The following PIWIL2 variants were observed in gnomAD, a reference collection of about 807,000 sequenced individuals.
PIWIL2 encodes piwi-like protein 2.
PIWIL2 carries 81 observed loss-of-function variants against 116.5 expected under a neutral mutation model. That is an observed-to-expected ratio of 0.70 (90% CI 0.58 to 0.84). The LOEUF is 0.84. PIWIL2 is among the 40% of genes least tolerant of loss of function. The probability of loss-of-function intolerance (pLI) is 0.00; values close to 1 mark genes in which losing one functional copy is unlikely to be tolerated. For missense variants in PIWIL2, 1,272 were observed against 1,212.3 expected (o/e 1.05, Z -0.73); for synonymous variants, 489 against 429.5 (o/e 1.14, Z -1.71).
chr8:22,284,375 G>A (rs541748455), intron 6 of PIWIL2, 103 bp downstream of exon 6: 291 of 579,194 alleles, frequency 5.0e-4, no homozygotes, highest in African/African-American at 4.6e-3. Flanking sequence ...CCTGGTGGAC[G>A]TCTCAATGCA....
At chr8:22,291,815 C>A (rs905379732) in intron 10 of PIWIL2, among the ~76,000 whole-genome samples, 9 of 152,108 alleles carry the variant, frequency 5.9e-5, no homozygotes. Context: ...CCTCCCCTCA[C>A]AGAGCCTCTG....
intron 20 of PIWIL2, among the ~76,000 whole-genome samples, chr8:22,349,640 G>C (rs1231966596): frequency 6.6e-6 from 1 of 152,070 alleles, no homozygotes; most frequent in African/African-American, 2.4e-5. Flanking sequence ...GTTTCTTCCA[G>C]ATCTGAGGTC....
intron 10 of PIWIL2, among the ~76,000 whole-genome samples, chr8:22,301,235 T>G (rs1831040290): frequency 6.6e-6 from 1 of 152,044 alleles, no homozygotes; most frequent in Non-Finnish European, 1.5e-5. Flanking sequence ...CCTCCTAAAG[T>G]GCCGGGATTA....
intron 14 of PIWIL2, among the ~76,000 whole-genome samples, chr8:22,308,830 G>T (rs917883386): frequency 6.6e-6 from 1 of 152,036 alleles, no homozygotes; most frequent in Non-Finnish European, 1.5e-5. Flanking sequence ...TGTATTTTTA[G>T]TAGAGACGGA....
intron 20 of PIWIL2, among the ~76,000 whole-genome samples, chr8:22,336,612 ATAGACAT>A (rs1160373161): frequency 6.6e-6 from 1 of 152,126 alleles, no homozygotes; most frequent in Non-Finnish European, 1.5e-5. Context: ...GAAGGAAATA[ATAGACAT>A]TAGAGAGCTG....
intron 8 of PIWIL2, among the ~76,000 whole-genome samples, chr8:22,289,152 CT>C (rs374688951): frequency 0.066 from 8,959 of 135,124 alleles, 183 homozygotes; most frequent in Admixed American, 0.086. Flanking sequence ...TTTCTTTTTT[CT>C]TTTTTTTTTT....
chr8:22,305,725 C>T (rs932216386), intron 12 of PIWIL2, among the ~76,000 whole-genome samples: 1 of 151,902 alleles, frequency 6.6e-6, no homozygotes, highest in South Asian at 2.1e-4. Flanking sequence ...TGACCTAATA[C>T]AACAGGCTGT....
intron 10 of PIWIL2, among the ~76,000 whole-genome samples, chr8:22,300,440 C>T (rs1157865045): frequency 6.6e-6 from 1 of 152,166 alleles, no homozygotes; most frequent in African/African-American, 2.4e-5. Context: ...CAGCTTTTGG[C>T]TGTTACAAAT....
At chr8:22,286,903 T>C (rs1004864507) in intron 6 of PIWIL2, among the ~76,000 whole-genome samples, 4 of 151,920 alleles carry the variant, frequency 2.6e-5, no homozygotes, top group Non-Finnish European at 5.9e-5. Flanking sequence ...ATTACAGGCA[T>C]GAGCCACCGA....
intron 1 of PIWIL2, among the ~76,000 whole-genome samples, chr8:22,278,658 T>C (rs1372414439): frequency 3.9e-5 from 6 of 152,200 alleles, no homozygotes; most frequent in African/African-American, 1.4e-4. Flanking sequence ...GGCCACAGGC[T>C]GGTTGGGGGG....
At chr8:22,328,125 A>T (rs550449095) in intron 20 of PIWIL2, among the ~76,000 whole-genome samples, 1 of 152,188 alleles carries the variant, frequency 6.6e-6, no homozygotes, top group East Asian at 1.9e-4. Flanking sequence ...ATACAAAGTG[A>T]GGTAAGGGTC....
chr8:22,303,394 A>G (rs182258732), intron 10 of PIWIL2, among the ~76,000 whole-genome samples: 1 of 152,246 alleles, frequency 6.6e-6, no homozygotes, highest in Admixed American at 6.5e-5. Context: ...TTAAACAATT[A>G]ATTTTAATTA....
intron 4 of PIWIL2, among the ~76,000 whole-genome samples, chr8:22,281,910 T>C (rs1344139172): frequency 2.0e-5 from 3 of 150,680 alleles, no homozygotes; most frequent in Non-Finnish European, 4.4e-5. Context: ...TGTCTGGGAC[T>C]ACAGGCATGT....
intron 10 of PIWIL2, among the ~76,000 whole-genome samples, chr8:22,293,587 A>G (rs1830816039): frequency 6.6e-6 from 1 of 152,154 alleles, no homozygotes; most frequent in Admixed American, 6.5e-5. Context: ...AGCTTCCCAA[A>G]GTGCTGGGAT....
chr8:22,309,098 A>G (rs563515328), intron 14 of PIWIL2, among the ~76,000 whole-genome samples: 1 of 151,766 alleles, frequency 6.6e-6, no homozygotes, highest in East Asian at 2.0e-4. Flanking sequence ...AGTAGCTGGG[A>G]TTACAAGCAC....
At chr8:22,279,310 G>T in intron 1 of PIWIL2, 31 bp from the exon 2 acceptor site, 2 of 1,158,144 alleles carry the variant, frequency 1.7e-6, no homozygotes, top group South Asian at 1.2e-5. Flanking sequence ...GAAAACAATT[G>T]GGAATCTTAA....
chr8:22,327,712 G>T (rs762096684), intron 20 of PIWIL2, among the ~76,000 whole-genome samples: 9 of 152,176 alleles, frequency 5.9e-5, no homozygotes, highest in Middle Eastern at 3.4e-3. Flanking sequence ...TTTGACTTGC[G>T]TTTCTTAATG....
intron 20 of PIWIL2, among the ~76,000 whole-genome samples, chr8:22,351,016 C>G (rs1369453757): frequency 6.6e-6 from 1 of 151,892 alleles, no homozygotes; most frequent in Non-Finnish European, 1.5e-5. Context: ...TGGTGCACAC[C>G]TGTAGTCCCA....
chr8:22,281,577 G>A, intron 4 of PIWIL2, 62 bp downstream of exon 4: 1 of 1,344,646 alleles, frequency 7.4e-7, no homozygotes. Context: ...TGTAAGTTCA[G>A]AGAGCAACTC....
Sources: gnomAD v4.1 joint callset for allele counts (sites outside exome capture counted in the v4.1 genomes callset) on GRCh38, gnomAD v4.1.1 for gene constraint, MANE v1.5 for transcripts, NCBI Gene and HGNC (gene_info 2026-07-23, HGNC 2026-07-21) for gene names.